The following KCNK13 variants were observed in gnomAD, a reference collection of about 807,000 sequenced individuals.
KCNK13 encodes the protein potassium channel subfamily K member 13.
KCNK13 carries 12 observed loss-of-function variants against 23.4 expected under a neutral mutation model. That is an observed-to-expected ratio of 0.51 (90% CI 0.33 to 0.83). The LOEUF (loss-of-function observed/expected upper bound fraction) is 0.83. Ranked by LOEUF, KCNK13 falls within the 40% of genes least tolerant of loss-of-function variation. KCNK13 has a pLI of 0.02. For synonymous variants in KCNK13, 231 were observed against 229.5 expected (o/e 1.01, Z -0.06); for missense variants, 463 against 556.3 (o/e 0.83, Z 1.69).
intron 1 of KCNK13, among the ~76,000 whole-genome samples, chr14:90,164,914 T>C (rs6575107): frequency 0.95 from 145,269 of 152,280 alleles, 69,400 homozygotes; most frequent in Non-Finnish European, 0.98. Flanking sequence ...TCACTGTATT[T>C]GTTCATTTCA....
chr14:90,093,131 CACA>C (rs1412929368), intron 1 of KCNK13, among the ~76,000 whole-genome samples: 1 of 152,048 alleles, frequency 6.6e-6, no homozygotes, highest in Non-Finnish European at 1.5e-5. Context: ...ATTGGATCCT[CACA>C]ACAACACTCC....
chr14:90,172,134 T>C (rs1457568008), intron 1 of KCNK13, among the ~76,000 whole-genome samples: 2 of 152,056 alleles, frequency 1.3e-5, no homozygotes, highest in African/African-American at 4.8e-5. Flanking sequence ...CTGGTCAATA[T>C]GGTGGAACCC....
rs1889354488 is a variant in KCNK13, at chr14:90,092,121, AC to A, written c.334+29584del. 2.6e-5 allele frequency among the ~76,000 whole-genome samples: 4 copies of A among 151,976 alleles called. No homozygotes were observed. In the South Asian group the frequency reaches 8.3e-4, roughly 32 times the overall value. On this transcript the variant is annotated intron_variant, in intron 1 of 1. Transcript: ENST00000282146. ...TATTTTTTAGTAGAGATGGGGTTTCACCATGTTAGCCAGGATGGTCTCCATC... is the reference window on the plus strand; with the variant it reads ...TATTTTTTAGTAGAGATGGGGTTTCACATGTTAGCCAGGATGGTCTCCATC...
chr14:90,134,652 T>A (rs1170456160), intron 1 of KCNK13, among the ~76,000 whole-genome samples: 1 of 152,204 alleles, frequency 6.6e-6, no homozygotes, highest in Non-Finnish European at 1.5e-5. Context: ...AGGATAATCG[T>A]ATGATAGATT....
At chr14:90,077,535 A>G (rs1889154738) in intron 1 of KCNK13, among the ~76,000 whole-genome samples, 1 of 152,176 alleles carries the variant, frequency 6.6e-6, no homozygotes, top group South Asian at 2.1e-4. Context: ...TAAAAAGTCT[A>G]CTAGGTACTT....
intron 1 of KCNK13, among the ~76,000 whole-genome samples, chr14:90,099,317 G>A (rs939919100): frequency 3.9e-5 from 6 of 152,106 alleles, no homozygotes; most frequent in Admixed American, 1.3e-4. Context: ...AGTAACGGCC[G>A]GTGTAGAGGC....
chr14:90,153,090 C>T (rs1890155158), intron 1 of KCNK13, among the ~76,000 whole-genome samples: 1 of 152,156 alleles, frequency 6.6e-6, no homozygotes, highest in Non-Finnish European at 1.5e-5. Context: ...TCCTGCAACC[C>T]TACCTAGACC....
intron 1 of KCNK13, chr14:90,108,050 T>A: frequency 1.6e-6 from 1 of 616,170 alleles, no homozygotes; most frequent in South Asian, 1.7e-5. Flanking sequence ...TGGCATTGCA[T>A]GTGATGACAG....
chr14:90,086,364 A>G (rs964732492), intron 1 of KCNK13, among the ~76,000 whole-genome samples: 4 of 152,196 alleles, frequency 2.6e-5, no homozygotes, highest in Admixed American at 1.3e-4. Context: ...TGAAGCACAG[A>G]GGTTACATAG....
intron 1 of KCNK13, among the ~76,000 whole-genome samples, chr14:90,077,344 C>A (rs1365082295): frequency 6.6e-6 from 1 of 151,550 alleles, no homozygotes; most frequent in Non-Finnish European, 1.5e-5. Context: ...TGGTCTCGAA[C>A]TCCTGGCCTC....
At chr14:90,166,281 G>A (rs530720891) in intron 1 of KCNK13, among the ~76,000 whole-genome samples, 10 of 152,256 alleles carry the variant, frequency 6.6e-5, no homozygotes, top group South Asian at 2.1e-4. Flanking sequence ...TATTGATAGC[G>A]GTAACCGCTG....
At chr14:90,141,470 T>A (rs139540706) in intron 1 of KCNK13, among the ~76,000 whole-genome samples, 109 of 151,544 alleles carry the variant, frequency 7.2e-4, no homozygotes, top group Non-Finnish European at 1.2e-3. Context: ...CTTTGTTTTG[T>A]TTCTGAGATA....
chr14:90,138,950 A>G (rs1023930812), intron 1 of KCNK13, among the ~76,000 whole-genome samples: 2 of 152,156 alleles, frequency 1.3e-5, no homozygotes, highest in African/African-American at 4.8e-5. Context: ...CGAGGCAGGC[A>G]GTGTCTAGAA....
chr14:90,178,580 A>G (rs7145119), intron 1 of KCNK13, among the ~76,000 whole-genome samples: 95,403 of 152,006 alleles, frequency 0.63, 32,200 homozygotes, highest in East Asian at 0.92. Context: ...ATGAGCCACC[A>G]CACCGGGCCT....
At chr14:90,108,210 CAGA>C (rs1337330379) in intron 1 of KCNK13, among the ~76,000 whole-genome samples, 1 of 152,182 alleles carries the variant, frequency 6.6e-6, no homozygotes, top group Non-Finnish European at 1.5e-5. Context: ...CTTTGGTTTT[CAGA>C]AGATTGTGAC....
chr14:90,136,818 AGG>A (rs1446394591), intron 1 of KCNK13, among the ~76,000 whole-genome samples: 7 of 152,128 alleles, frequency 4.6e-5, no homozygotes, highest in African/African-American at 1.7e-4. Flanking sequence ...TTGAACCGAG[AGG>A]GTCAAATACA....
chr14:90,160,117 A>G (rs1220376911), intron 1 of KCNK13, among the ~76,000 whole-genome samples: 1 of 152,220 alleles, frequency 6.6e-6, no homozygotes, highest in Non-Finnish European at 1.5e-5. Flanking sequence ...AAGAGAAATT[A>G]CTTTTCTTGT....
At chr14:90,168,243 G>A (rs1342122206) in intron 1 of KCNK13, among the ~76,000 whole-genome samples, 2 of 152,076 alleles carry the variant, frequency 1.3e-5, no homozygotes, top group Non-Finnish European at 2.9e-5. Flanking sequence ...GCATGGTGGT[G>A]TGTGCCTGTA....
intron 1 of KCNK13, among the ~76,000 whole-genome samples, chr14:90,149,232 T>C (rs1385807540): frequency 2.0e-5 from 3 of 152,144 alleles, no homozygotes; most frequent in Non-Finnish European, 4.4e-5. Context: ...GGTGCATGCC[T>C]GTAGTCCTAG....
Sources: allele counts gnomAD v4.1 joint callset (sites outside exome capture counted in the v4.1 genomes callset), GRCh38; gene constraint gnomAD v4.1.1; transcripts MANE v1.5; gene names NCBI Gene and HGNC (gene_info 2026-07-23, HGNC 2026-07-21).